Variants in ABCD3 observed in about 807,000 individuals in gnomAD.
ABCD3 encodes the protein ATP-binding cassette sub-family D member 3.
Under a neutral mutation model 105.5 loss-of-function variants are expected in ABCD3, and 41 were observed. The ratio of observed to expected loss-of-function variants is 0.39; its 90% CI spans 0.30 to 0.50. The LOEUF (loss-of-function observed/expected upper bound fraction) is 0.50. Among genes scored for constraint, ABCD3 ranks in the 20% least tolerant of loss-of-function variants. The probability of loss-of-function intolerance (pLI) is 0.84; values close to 1 mark genes in which losing one functional copy is unlikely to be tolerated. For synonymous variants in ABCD3, 258 were observed against 269.0 expected (o/e 0.96, Z 0.40); for missense variants, 622 against 806.3 (o/e 0.77, Z 2.77).
At chr1:94,413,155 G>A in the ABCD3 span, among the ~76,000 whole-genome samples, 2 of 151,998 alleles carry the variant, frequency 1.3e-5, no homozygotes, top group African/African-American at 4.8e-5. Context: ...TAAGATAAAT[G>A]TATCATAAAA....
At chr1:94,496,723 T>G (rs1218737013) in intron 16 of ABCD3, among the ~76,000 whole-genome samples, 3 of 87,052 alleles carry the variant, frequency 3.4e-5, no homozygotes, top group Non-Finnish European at 6.9e-5. Flanking sequence ...TTTTTTTTTT[T>G]GAATAGGATA....
intron 21 of ABCD3, among the ~76,000 whole-genome samples, chr1:94,509,170 A>G (rs1650521436): frequency 6.6e-6 from 1 of 152,128 alleles, no homozygotes; most frequent in African/African-American, 2.4e-5. Context: ...ATCAATACCT[A>G]ATTTATTGAG....
At chr1:94,440,865 AAAT>A (rs1459541202) in intron 1 of ABCD3, among the ~76,000 whole-genome samples, 20 of 152,294 alleles carry the variant, frequency 1.3e-4, no homozygotes, top group African/African-American at 4.6e-4. Flanking sequence ...AGGAGCTTCA[AAAT>A]AATCCCATTT....
chr1:94,391,612 A>G, the ABCD3 span, among the ~76,000 whole-genome samples: 1 of 20,066 alleles, frequency 5.0e-5, no homozygotes, highest in African/African-American at 2.4e-4. Flanking sequence ...GTGCTCAAAT[A>G]ATGAGTGCTC....
intron 1 of ABCD3, among the ~76,000 whole-genome samples, chr1:94,434,708 C>T (rs912422065): frequency 1.3e-5 from 2 of 152,132 alleles, no homozygotes; most frequent in African/African-American, 4.8e-5. Context: ...TAGATTATAC[C>T]ACAGACAGAA....
the ABCD3 span, among the ~76,000 whole-genome samples, chr1:94,391,441 C>T: frequency 6.6e-6 from 1 of 152,168 alleles, no homozygotes; most frequent in African/African-American, 2.4e-5. Flanking sequence ...CCTACTCTAG[C>T]CTTGCAGTAG....
At chr1:94,483,563 A>G (rs1649127952) in intron 10 of ABCD3, among the ~76,000 whole-genome samples, 2 of 152,198 alleles carry the variant, frequency 1.3e-5, no homozygotes, top group Non-Finnish European at 1.5e-5. Context: ...TGTTTAATAA[A>G]TGGTGCTGGG....
At position 94,418,503 on chromosome 1, in the gene ABCD3, A is replaced by G; in HGVS notation, c.25A>G (p.Thr9Ala). The G allele has an allele frequency of 2.5e-6, 4 of 1,604,920 alleles. No individual in the cohort carries two copies. Among genetic ancestry groups the G allele is most frequent in the Non-Finnish European group, 3.4e-6 (4 of 1,179,020 alleles). MAAFSKYL[T>A]ARNSSLAGAA... The stretch of plus-strand genomic sequence containing the variant: ...CATGGCGGCCTTCAGCAAGTACTTG[A>G]CGGCGCGAAACTCCTCGCTGGCTGG... Residue 9 changes from threonine to alanine, a missense_variant, in exon 1 of 23, where the codon ACG becomes GCG. By Grantham distance (58) the Thr-to-Ala change is moderately conservative. Around this residue, in one of 4 missense-constraint regions of ABCD3, gnomAD observed 89 missense variants for 77.5 expected, o/e 1.15. Coordinates refer to ENST00000370214, the MANE Select transcript of ABCD3 (RefSeq NM_002858.4).
At chr1:94,504,429 C>T (rs1214562320) in intron 20 of ABCD3, among the ~76,000 whole-genome samples, 1 of 152,124 alleles carries the variant, frequency 6.6e-6, no homozygotes, top group Admixed American at 6.6e-5. Context: ...AGAAAGGACC[C>T]ACTTGGATTG....
chr1:94,455,889 A>C (rs1459063110), intron 1 of ABCD3: 2 of 1,197,980 alleles, frequency 1.7e-6, no homozygotes, highest in Non-Finnish European at 1.1e-6. Flanking sequence ...GTATCAATTT[A>C]TAACATTTAT....
At chr1:94,475,580 T>A (rs764883045) in intron 6 of ABCD3, 34 bp from the exon 7 acceptor site, 7 of 1,594,982 alleles carry the variant, frequency 4.4e-6, no homozygotes, top group Non-Finnish European at 6.0e-6. Context: ...TAAAGTCACT[T>A]GTTTTAAAAT....
chr1:94,403,161 C>T, the ABCD3 span, among the ~76,000 whole-genome samples: 3 of 151,988 alleles, frequency 2.0e-5, no homozygotes, highest in Non-Finnish European at 2.9e-5. Context: ...GAAAATGTGG[C>T]ACTTCCTCCC....
chr1:94,475,551 T>C, intron 6 of ABCD3, 63 bp from the exon 7 acceptor site: 2 of 1,535,412 alleles, frequency 1.3e-6, no homozygotes, highest in Non-Finnish European at 1.8e-6. Flanking sequence ...ATATGATTTT[T>C]TTGTTGTTGT....
chr1:94,479,193 T>C, intron 8 of ABCD3, among the ~76,000 whole-genome samples: 1 of 152,172 alleles, frequency 6.6e-6, no homozygotes, highest in East Asian at 1.9e-4. Context: ...TGTCTTGTGA[T>C]CCAGGTTTTA....
intron 8 of ABCD3, chr1:94,480,257 A>C (rs1357894546): frequency 1.7e-6 from 1 of 599,976 alleles, no homozygotes; most frequent in Admixed American, 3.0e-5. Flanking sequence ...GATAAGCTAC[A>C]GTGGTAAGAG....
intron 1 of ABCD3, among the ~76,000 whole-genome samples, chr1:94,457,291 C>T (rs766943509): frequency 1.3e-5 from 2 of 152,072 alleles, no homozygotes; most frequent in African/African-American, 4.8e-5. Flanking sequence ...TTTAAAATAT[C>T]GTATAATACA....
At position 94,469,244 on chromosome 1, in the gene ABCD3, G is replaced by A. The variant is rs1384861521; in HGVS notation, c.335+1237G>A. ...TCATAGATTTCTCAGTTTCAAGAGT[G>A]TAAGTGTTCATTTCCTACTTTGGAA... On this transcript the variant is annotated intron_variant, in intron 4 of 22. Transcript: ENST00000370214. Among the ~76,000 whole-genome samples the A allele has an allele frequency of 2.6e-5, 4 of 152,064 alleles. No individual in the cohort carries two copies. The East Asian group carries it at 7.7e-4, about 29-fold the overall frequency.
chr1:94,483,907 T>C (rs1210063115), intron 10 of ABCD3, among the ~76,000 whole-genome samples: 1 of 152,158 alleles, frequency 6.6e-6, no homozygotes, highest in African/African-American at 2.4e-5. Context: ...GACAAAGGGC[T>C]AATATCCAGA....
the ABCD3 span, among the ~76,000 whole-genome samples, chr1:94,391,973 A>G: frequency 1.3e-5 from 2 of 152,046 alleles, no homozygotes; most frequent in Middle Eastern, 3.4e-3. Flanking sequence ...TGGGGGAGGG[A>G]GTGGTTGCAA....
Sources: gnomAD v4.1 joint callset for allele counts (sites outside exome capture counted in the v4.1 genomes callset) on GRCh38, gnomAD v4.1.1 for gene constraint, gnomAD v4.1.1 regional missense constraint, MANE v1.5 for transcripts, NCBI Gene and HGNC (gene_info 2026-07-23, HGNC 2026-07-21) for gene names.